Variants in SERP2 observed in about 807,000 individuals in gnomAD.
SERP2 encodes the protein stress-associated endoplasmic reticulum protein 2.
SERP2 carries 6 observed loss-of-function variants against 9.1 expected under a neutral mutation model. That is an observed-to-expected ratio of 0.66 (90% confidence interval 0.36 to 1.30). The LOEUF is 1.30. Ranked by LOEUF, SERP2 falls within the 50% of genes most tolerant of loss-of-function variation. The pLI, the probability that SERP2 is intolerant of heterozygous loss-of-function variation, is 0.03. For missense variants in SERP2, 58 were observed against 81.9 expected, an observed-to-expected ratio of 0.71 and a Z score of 1.13; for synonymous variants, 37 against 27.3, an observed-to-expected ratio of 1.35 and a Z score of -1.10.
upstream of SERP2, chr13:44,373,744 G>A (rs1021666864): frequency 2.5e-6 from 1 of 392,978 alleles, no homozygotes; most frequent in African/African-American, 2.1e-5. This position sits in a 1 kb window ranked among gnomAD's most constrained non-coding sequence, Gnocchi z 4.8. Context: ...CGCCTGCCTC[G>A]GTGGCCGCGC....
At chr13:44,384,855 TGA>T (rs1328122109) in intron 2 of SERP2, among the ~76,000 whole-genome samples, 1 of 152,372 alleles carries the variant, frequency 6.6e-6, no homozygotes, top group East Asian at 1.9e-4. Context: ...ATCATTGATG[TGA>T]GTCTCTTGAA....
In SERP2 at chr13:44,384,816, G is replaced by A. The variant is rs574257759; in HGVS notation, c.157+5103G>A. ...TTATATAGATGCTAAGGAAAAAGGC[G>A]AAATCTTCTAATATTAATAAAGATG... On this transcript the variant is annotated intron_variant, in intron 2 of 2. Coordinates refer to ENST00000379179, the MANE Select transcript of SERP2 (RefSeq NM_001010897.3). Among the ~76,000 whole-genome samples, 185 of 152,278 alleles carry A rather than the reference G, an allele frequency of 1.2e-3. 1 individual carries two copies. Among genetic ancestry groups the A allele is most frequent in the African/African-American group, 4.3e-3 (177 of 41,548 alleles).
At chr13:44,394,158 G>A (rs1036828253) in intron 2 of SERP2, among the ~76,000 whole-genome samples, 4 of 151,826 alleles carry the variant, frequency 2.6e-5, no homozygotes, top group African/African-American at 7.3e-5. Context: ...TTTTTTTTGA[G>A]ACGGAGTCTT....
intron 2 of SERP2, 128 bp downstream of exon 2, chr13:44,379,841 CCTTAAT>C: frequency 1.6e-6 from 1 of 625,778 alleles, no homozygotes; most frequent in Non-Finnish European, 2.8e-6. Context: ...CTGCCTTAAG[CCTTAAT>C]CTTAATGGGT....
intron 2 of SERP2, among the ~76,000 whole-genome samples, chr13:44,388,273 T>G (rs549224961): frequency 3.1e-3 from 26 of 8,278 alleles, no homozygotes; most frequent in Non-Finnish European, 4.2e-3. Context: ...TATATGTGGG[T>G]TTTTTTGTGT....
chr13:44,397,522 C>G lies in SERP2; in HGVS notation c.*210C>G, dbSNP rs992722472. 11 of 585,682 alleles carry G rather than the reference C, an allele frequency of 1.9e-5. No homozygotes were observed. Among genetic ancestry groups the G allele is most frequent in the Admixed American group, 6.0e-5 (2 of 33,320 alleles). 36.3% of individuals were successfully genotyped at this position (585,682 alleles called of 1,614,324 possible). A position where few individuals can be genotyped will look rare whatever the true frequency, so the allele number is the denominator to read the frequency against. On this transcript the variant is annotated 3_prime_UTR_variant, in exon 3 of 3. Coordinates refer to ENST00000379179, the MANE Select transcript of SERP2 (RefSeq NM_001010897.3). The stretch of plus-strand genomic sequence containing the variant: ...CATCCGCGTTCTCAAGCGGAAAGGA[C>G]ATTTTGCTTTTCTGTTGGCAGGATT...
chr13:44,391,726 TG>T lies in SERP2; in HGVS notation c.158-5540del, dbSNP rs374123696. ...TTCTCCATCCCTTAACTCCAGGGTT[TG>T]GGGGGAAGGTGTCCAGCATTTGTGT... On this transcript the variant is annotated intron_variant, in intron 2 of 2. Transcript: ENST00000379179. Among the ~76,000 whole-genome samples the T allele has an allele frequency of 4.3e-4, 65 of 152,264 alleles. No homozygotes were observed. The East Asian group carries it at 0.011, about 27-fold the overall frequency.
chr13:44,389,171 C>T (rs1277313877), intron 2 of SERP2, among the ~76,000 whole-genome samples: 2 of 152,142 alleles, frequency 1.3e-5, no homozygotes, highest in Non-Finnish European at 2.9e-5. Context: ...TATTTTGTGG[C>T]GTATTGGGTG....
chr13:44,383,000 C>T (rs1193275995), intron 2 of SERP2, among the ~76,000 whole-genome samples: 4 of 152,122 alleles, frequency 2.6e-5, no homozygotes, highest in South Asian at 4.1e-4. Flanking sequence ...GCTGTTTGAG[C>T]GGAGTCTTGA....
At chr13:44,387,215 C>G (rs533190353) in intron 2 of SERP2, among the ~76,000 whole-genome samples, 1 of 152,166 alleles carries the variant, frequency 6.6e-6, no homozygotes, top group Non-Finnish European at 1.5e-5. Flanking sequence ...TTCCCCAGCC[C>G]ATTCATGGAC....
intron 2 of SERP2, chr13:44,390,301 A>ACCCCCC: frequency 1.3e-5 from 1 of 75,166 alleles, no homozygotes; most frequent in South Asian, 8.0e-5. Context: ...CGGTGTCCCC[A>ACCCCCC]CCCACCCGCC....
intron 2 of SERP2, chr13:44,395,669 C>A: frequency 4.0e-6 from 1 of 247,844 alleles, no homozygotes. Context: ...TATCTGAGCA[C>A]ATCCAGAATT....
intron 2 of SERP2, among the ~76,000 whole-genome samples, chr13:44,380,144 C>T (rs1382815081): frequency 6.6e-6 from 1 of 152,172 alleles, no homozygotes; most frequent in Non-Finnish European, 1.5e-5. Context: ...GAGCCTTTGA[C>T]CCAAGCCTTA....
At chr13:44,384,228 C>T (rs1325171942) in intron 2 of SERP2, among the ~76,000 whole-genome samples, 4 of 152,132 alleles carry the variant, frequency 2.6e-5, no homozygotes, top group Non-Finnish European at 5.9e-5. Context: ...TCCTTTAGAT[C>T]CGTCCCTGTT....
chr13:44,378,054 C>T (rs1337177938), intron 1 of SERP2, among the ~76,000 whole-genome samples: 2 of 152,064 alleles, frequency 1.3e-5, no homozygotes, highest in Non-Finnish European at 2.9e-5. Flanking sequence ...ACGAGTGGAC[C>T]CAAGTGAGGT....
intron 2 of SERP2, among the ~76,000 whole-genome samples, chr13:44,395,001 T>C (rs1873003058): frequency 6.6e-6 from 1 of 152,252 alleles, no homozygotes. Flanking sequence ...CACACAGCTT[T>C]TCAGCAAAGA....
intron 2 of SERP2, among the ~76,000 whole-genome samples, chr13:44,387,400 G>A (rs927722321): frequency 4.6e-5 from 7 of 152,192 alleles, no homozygotes; most frequent in African/African-American, 1.4e-4. Flanking sequence ...ATGGCTGGCA[G>A]GGCCACGTTC....
At chr13:44,389,815 G>A (rs532445524) in intron 2 of SERP2, among the ~76,000 whole-genome samples, 12 of 152,310 alleles carry the variant, frequency 7.9e-5, no homozygotes, top group African/African-American at 2.9e-4. Flanking sequence ...AGAAAGATCT[G>A]TTCATACAAC....
At chr13:44,385,060 A>G (rs545452486) in intron 2 of SERP2, among the ~76,000 whole-genome samples, 1 of 152,316 alleles carries the variant, frequency 6.6e-6, no homozygotes, top group African/African-American at 2.4e-5. Flanking sequence ...AGGACTGGTA[A>G]GAAGCTGGCA....
Sources: gnomAD v4.1 joint callset for allele counts (sites outside exome capture counted in the v4.1 genomes callset) on GRCh38, gnomAD v4.1.1 for gene constraint, Gnocchi (gnomAD v3.1) non-coding constraint, MANE v1.5 for transcripts, NCBI Gene and HGNC (gene_info 2026-07-23, HGNC 2026-07-21) for gene names.